The following CYP4F22 variants were observed in gnomAD, a reference collection of about 807,000 sequenced individuals.
CYP4F22 encodes cytochrome P450 family 4 subfamily F member 22.
In CYP4F22, 37 loss-of-function variants were observed where a neutral mutation model predicts 60.4. That is an observed-to-expected ratio of 0.61 (90% confidence interval 0.47 to 0.81). The LOEUF is 0.81. CYP4F22 is among the 30% of genes least tolerant of loss of function. The probability of loss-of-function intolerance (pLI) is 0.00; values close to 1 mark genes in which losing one functional copy is unlikely to be tolerated. For synonymous variants in CYP4F22, 258 were observed against 280.5 expected, an observed-to-expected ratio of 0.92 and a Z score of 0.80; for missense variants, 655 against 715.0, an observed-to-expected ratio of 0.92 and a Z score of 0.96.
At chr19:15,520,303 G>T (rs1275973063) in intron 1 of CYP4F22, among the ~76,000 whole-genome samples, 1 of 141,164 alleles carries the variant, frequency 7.1e-6, no homozygotes, top group Non-Finnish European at 1.5e-5. Flanking sequence ...CTGAGATCGC[G>T]CCACTGTACT....
chr19:15,544,163 AT>A lies in CYP4F22; in HGVS notation c.1021del (p.Ser341ProfsTer29). ...TFMFEGHDTTSSGISWMLFNL... is the reference protein window; with the variant it reads ...TFMFEGHDTTXSGISWMLFNL... ...ATCTCCCTGCAGGTCACGACACAAC[AT>A]CCAGTGGGATCTCTTGGATGCTGTT... On this transcript the variant is annotated frameshift_variant, in exon 10 of 14. Transcript: ENST00000269703. LOFTEE classifies it high-confidence loss of function. 1 of 1,614,184 alleles carries A rather than the reference AT, an allele frequency of 6.2e-7. No homozygotes were observed. Among genetic ancestry groups the A allele is most frequent in the Non-Finnish European group, 8.5e-7 (1 of 1,180,042 alleles).
chr19:15,510,966 A>ATATATATATTTTTTT (rs34055543), intron 1 of CYP4F22, among the ~76,000 whole-genome samples: 2 of 103,306 alleles, frequency 1.9e-5, no homozygotes, highest in African/African-American at 9.2e-5. Context: ...ATATATATAT[A>ATATATATATTTTTTT]TTTTTTTTTT....
Position 15,537,405 on chromosome 19 carries a change from C to T in CYP4F22, c.412C>T (p.Pro138Ser). 1 of 1,614,186 alleles carries T rather than the reference C, an allele frequency of 6.2e-7. No homozygotes were observed. Among genetic ancestry groups the T allele is most frequent in the African/African-American group, 1.3e-5 (1 of 75,058 alleles). Residue 138 changes from proline to serine, a missense_variant, in exon 5 of 14, where the codon CCT becomes TCT. By Grantham distance (74) the Pro-to-Ser change is moderately conservative. This residue lies in a region of CYP4F22 where 430 missense variants were observed against 457.1 expected (regional missense o/e 0.94). Transcript: ENST00000269703. ...KDDLFYGFLK[P>S]WLGDGLLLSK... ...TGACCTCTTCTATGGCTTCCTAAAA[C>T]CTTGGCTAGGTGAGTGCCCAGTGGG...
intron 3 of CYP4F22, 106 bp downstream of exon 3, chr19:15,525,664 T>C (rs182358060): frequency 7.9e-6 from 9 of 1,141,326 alleles, no homozygotes; most frequent in Middle Eastern, 2.9e-4. Flanking sequence ...AAGAATCTGG[T>C]TGGGGCTAGC....
chr19:15,508,827 C>CTTT (rs1003996674), intron 1 of CYP4F22, among the ~76,000 whole-genome samples: 1 of 145,392 alleles, frequency 6.9e-6, no homozygotes, highest in Non-Finnish European at 1.5e-5. Flanking sequence ...GAGTTGTTTT[C>CTTT]TTTTTTTTTT....
chr19:15,510,966 A>ATTTTTTTTTT (rs1555726127), intron 1 of CYP4F22, among the ~76,000 whole-genome samples: 3 of 103,306 alleles, frequency 2.9e-5, no homozygotes, highest in African/African-American at 1.4e-4. Flanking sequence ...ATATATATAT[A>ATTTTTTTTTT]TTTTTTTTTT....
chr19:15,523,851 T>C (rs1267768122), intron 2 of CYP4F22, 52 bp downstream of exon 2: 1 of 152,150 alleles, frequency 6.6e-6, no homozygotes, highest in Non-Finnish European at 1.5e-5. Flanking sequence ...TATTTCATAA[T>C]AGCCAAAATG....
chr19:15,549,677 A>G (rs1971572443), intron 12 of CYP4F22, among the ~76,000 whole-genome samples: 2 of 151,122 alleles, frequency 1.3e-5, no homozygotes, highest in South Asian at 4.2e-4. Context: ...CAAAAAGGAA[A>G]AAGTTGGCCC....
rs1476159506 is a variant in CYP4F22, at chr19:15,529,762, G to A, written c.276G>A (p.Met92Ile). 1 of 1,614,148 alleles carries A rather than the reference G, an allele frequency of 6.2e-7. No individual in the cohort carries two copies. ...LQDEKKVLDNMHHVLLVWMGP... is the reference protein window; with the variant it reads ...LQDEKKVLDNIHHVLLVWMGP... ...ATGAGAAGAAGGTACTGGACAACAT[G>A]CACCATGTACTCTTGGTATGGATGG... is the stretch of plus-strand genomic sequence containing the variant. Residue 92 changes from methionine (M) to isoleucine (I), a missense_variant, in exon 4 of 14, where the codon ATG becomes ATA. Met to Ile is a conservative substitution (Grantham distance 10). Around this residue, in one of 3 missense-constraint regions of CYP4F22, gnomAD observed 430 missense variants for 457.1 expected, o/e 0.94. Transcript: ENST00000269703.
At chr19:15,541,536 A>AC (rs1971462004) in intron 8 of CYP4F22, among the ~76,000 whole-genome samples, 4 of 127,128 alleles carry the variant, frequency 3.1e-5, no homozygotes, top group East Asian at 5.0e-4. Context: ...ATTCTAGCGG[A>AC]GGGGGGGTGG....
intron 10 of CYP4F22, 49 bp downstream of exon 10, chr19:15,544,328 T>G (rs758820050): frequency 6.3e-7 from 1 of 1,587,518 alleles, no homozygotes; most frequent in Non-Finnish European, 8.6e-7. Flanking sequence ...GGCCAGAGCC[T>G]TGGGTGTAAG....
chr19:15,521,335 G>A (rs915300869), intron 1 of CYP4F22, among the ~76,000 whole-genome samples: 2 of 149,416 alleles, frequency 1.3e-5, no homozygotes, highest in Admixed American at 6.7e-5. Flanking sequence ...AGGTTCAAGC[G>A]ATTCCTGGGC....
intron 4 of CYP4F22, among the ~76,000 whole-genome samples, chr19:15,530,884 A>G (rs1446539374): frequency 1.3e-5 from 2 of 152,092 alleles, no homozygotes; most frequent in Non-Finnish European, 2.9e-5. Flanking sequence ...CAGCCAAACC[A>G]TATTACCTGG....
chr19:15,521,174 A>T (rs1394545817), intron 1 of CYP4F22, among the ~76,000 whole-genome samples: 1 of 150,064 alleles, frequency 6.7e-6, no homozygotes, highest in Non-Finnish European at 1.5e-5. Context: ...CATTATGTGG[A>T]TGGACCCTAT....
intron 10 of CYP4F22, among the ~76,000 whole-genome samples, chr19:15,547,064 C>T (rs1971535687): frequency 7.5e-6 from 1 of 132,784 alleles, no homozygotes; most frequent in South Asian, 2.5e-4. Flanking sequence ...CACTCTGTCA[C>T]CCAGGCTAGA....
intron 3 of CYP4F22, among the ~76,000 whole-genome samples, chr19:15,528,222 G>A (rs1312543001): frequency 6.6e-6 from 1 of 152,156 alleles, no homozygotes; most frequent in African/African-American, 2.4e-5. Context: ...GGAGGCCAAG[G>A]CAGGAGAATT....
Position 15,551,284 on chromosome 19 carries a change from C to T in CYP4F22, c.1419-10C>T. On this transcript the variant is annotated splice_polypyrimidine_tract_variant and intron_variant, in intron 13 of 13. Coordinates refer to ENST00000269703, the MANE Select transcript of CYP4F22 (RefSeq NM_173483.4). Reference sequence around the variant, plus strand: ...AAGCTGGGCCTGAGCCCTGTCCCCTCTTCCTCCAGGAATTGCATCGGACAG... The same window carrying T: ...AAGCTGGGCCTGAGCCCTGTCCCCTTTTCCTCCAGGAATTGCATCGGACAG... 1 of 1,609,930 alleles carries T rather than the reference C, an allele frequency of 6.2e-7. No individual in the cohort carries two copies. The highest frequency in any genetic ancestry group is 8.5e-7 in the Non-Finnish European group (1 of 1,178,224).
chr19:15,550,354 T>C (rs1971580974), intron 12 of CYP4F22, among the ~76,000 whole-genome samples: 1 of 152,068 alleles, frequency 6.6e-6, no homozygotes, highest in Non-Finnish European at 1.5e-5. Flanking sequence ...GAGGGGGCAC[T>C]TTAGCTCGAG....
At chr19:15,515,452 C>T (rs946076642) in intron 1 of CYP4F22, 20 of 904,020 alleles carry the variant, frequency 2.2e-5, no homozygotes, top group African/African-American at 8.3e-5. Flanking sequence ...TGGCCAGGCA[C>T]GGTGGCTCAC....
Sources: gnomAD v4.1 joint callset for allele counts (sites outside exome capture counted in the v4.1 genomes callset) on GRCh38, gnomAD v4.1.1 for gene constraint, gnomAD v4.1.1 regional missense constraint, MANE v1.5 for transcripts, NCBI Gene and HGNC (gene_info 2026-07-23, HGNC 2026-07-21) for gene names.